Variants in JAZF1 observed in about 807,000 individuals in gnomAD.
JAZF1 encodes juxtaposed with another zinc finger protein 1.
Under a neutral mutation model 26.4 loss-of-function variants are expected in JAZF1, and 8 were observed. That is an observed-to-expected ratio of 0.30 (90% CI 0.18 to 0.55). The LOEUF is 0.55. JAZF1 is among the 20% of genes least tolerant of loss of function. The pLI is 0.94. For synonymous variants in JAZF1, 126 were observed against 122.3 expected (o/e 1.03, Z -0.20); for missense variants, 199 against 322.0 (o/e 0.62, Z 2.92).
At chr7:27,897,009 A>G (rs1784077025) in intron 2 of JAZF1, among the ~76,000 whole-genome samples, 1 of 152,218 alleles carries the variant, frequency 6.6e-6, no homozygotes, top group Non-Finnish European at 1.5e-5. Context: ...TATTGTCCTT[A>G]AACTTCTTTC....
At chr7:27,839,159 G>A (rs570981553) in intron 4 of JAZF1, among the ~76,000 whole-genome samples, 1 of 152,372 alleles carries the variant, frequency 6.6e-6, no homozygotes, top group South Asian at 2.1e-4. Context: ...AACCCAGGGC[G>A]TAGCTTGTAT....
chr7:28,020,677 G>T (rs1165214101), intron 1 of JAZF1: 1 of 471,208 alleles, frequency 2.1e-6, no homozygotes, highest in Non-Finnish European at 4.4e-6. Context: ...AGGTAGAAGT[G>T]AGCGAAGGAA....
chr7:28,027,855 T>C (rs1252798251), intron 1 of JAZF1, among the ~76,000 whole-genome samples: 3 of 152,212 alleles, frequency 2.0e-5, no homozygotes, highest in Non-Finnish European at 2.9e-5. Context: ...CCCCGATGCC[T>C]GTTTCTTTCC....
chr7:27,877,997 CTG>C (rs1783709398), intron 3 of JAZF1, among the ~76,000 whole-genome samples: 2 of 152,198 alleles, frequency 1.3e-5, no homozygotes. Context: ...TTCTTCCTCT[CTG>C]TGGTTATGCT....
intron 1 of JAZF1, among the ~76,000 whole-genome samples, chr7:28,068,744 G>A (rs952888938): frequency 3.9e-5 from 6 of 152,118 alleles, no homozygotes; most frequent in African/African-American, 7.2e-5. Flanking sequence ...AAAAAGACAC[G>A]AGTCACTGGT....
intron 1 of JAZF1, among the ~76,000 whole-genome samples, chr7:28,076,377 T>C (rs891754351): frequency 1.3e-5 from 2 of 152,182 alleles, no homozygotes; most frequent in Non-Finnish European, 2.9e-5. Context: ...AACATTGATA[T>C]ATCAATTTAA....
intron 1 of JAZF1, among the ~76,000 whole-genome samples, chr7:28,083,053 G>A (rs1179024519): frequency 2.0e-5 from 3 of 152,086 alleles, no homozygotes; most frequent in Admixed American, 6.5e-5. Context: ...TGCTGTACTC[G>A]TGGATTAAAA....
intron 1 of JAZF1, among the ~76,000 whole-genome samples, chr7:28,049,865 T>G (rs1287306972): frequency 6.6e-6 from 1 of 152,102 alleles, no homozygotes; most frequent in African/African-American, 2.4e-5. Flanking sequence ...CCCAGCACCT[T>G]TCTATGTTCA....
intron 1 of JAZF1, among the ~76,000 whole-genome samples, chr7:28,026,055 C>G (rs1783088515): frequency 6.6e-6 from 1 of 152,158 alleles, no homozygotes; most frequent in Admixed American, 6.5e-5. Flanking sequence ...CTGGCCATGG[C>G]AAACCAACAC....
At chr7:27,989,487 GA>G (rs1785849801) in intron 2 of JAZF1, among the ~76,000 whole-genome samples, 1 of 152,178 alleles carries the variant, frequency 6.6e-6, no homozygotes, top group African/African-American at 2.4e-5. Context: ...CCGTCAGAGT[GA>G]ACAGGCAACC....
intron 1 of JAZF1, among the ~76,000 whole-genome samples, chr7:28,175,422 G>C (rs1783534319): frequency 6.6e-6 from 1 of 152,194 alleles, no homozygotes; most frequent in African/African-American, 2.4e-5. Flanking sequence ...CAAATGGCAA[G>C]AAACTAGATG....
chr7:28,109,293 G>A (rs572732921), intron 1 of JAZF1, among the ~76,000 whole-genome samples: 11 of 152,178 alleles, frequency 7.2e-5, no homozygotes, highest in Admixed American at 2.6e-4. Context: ...CCACAATGTC[G>A]ACATATATCA....
intron 2 of JAZF1, among the ~76,000 whole-genome samples, chr7:27,950,572 A>C (rs1784992788): frequency 6.6e-6 from 1 of 152,212 alleles, no homozygotes; most frequent in Non-Finnish European, 1.5e-5. Flanking sequence ...TTATGACACT[A>C]ACCCTAATGA....
At chr7:28,016,274 C>A (rs1485348914) in intron 1 of JAZF1, among the ~76,000 whole-genome samples, 1 of 152,154 alleles carries the variant, frequency 6.6e-6, no homozygotes, top group Non-Finnish European at 1.5e-5. Flanking sequence ...CACTTACTTA[C>A]CTCTTTCTTT....
intron 2 of JAZF1, among the ~76,000 whole-genome samples, chr7:27,948,924 C>A (rs925202552): frequency 2.0e-5 from 3 of 152,160 alleles, no homozygotes; most frequent in Non-Finnish European, 2.9e-5. Flanking sequence ...TTTCTACCTG[C>A]CCTTAGAAGA....
chr7:28,055,049 T>C (rs1352577017), intron 1 of JAZF1, among the ~76,000 whole-genome samples: 1 of 152,130 alleles, frequency 6.6e-6, no homozygotes. Context: ...CAAGTACACT[T>C]AGAATTCGTG....
chr7:28,075,717 C>T (rs1029526827), intron 1 of JAZF1, among the ~76,000 whole-genome samples: 61 of 152,160 alleles, frequency 4.0e-4, no homozygotes, highest in African/African-American at 1.4e-3. Context: ...TAAGCACTCC[C>T]CATATTAATG....
At chr7:27,940,212 A>G (rs188046480) in intron 2 of JAZF1, among the ~76,000 whole-genome samples, 1 of 152,202 alleles carries the variant, frequency 6.6e-6, no homozygotes, top group Admixed American at 6.5e-5. Context: ...TAGTTTTGAG[A>G]TAAGTTTCTT....
At position 28,140,993 on chromosome 7, in the gene JAZF1, C is replaced by T. The variant is rs1348761336; in HGVS notation, c.115+39470G>A. 2.0e-5 allele frequency among the ~76,000 whole-genome samples: 3 copies of T among 152,172 alleles called. No individual in the cohort carries two copies. The East Asian group carries it at 5.8e-4, about 29-fold the overall frequency. ...ATGTTTTAACGCAGAAAGAACTTTA[C>T]AGCTGTGAATATCTGGTGGCAATGT... On this transcript the variant is annotated intron_variant, in intron 1 of 4. Transcript: ENST00000283928.
Sources: gnomAD v4.1 joint callset for allele counts (sites outside exome capture counted in the v4.1 genomes callset) on GRCh38, gnomAD v4.1.1 for gene constraint, MANE v1.5 for transcripts, NCBI Gene and HGNC (gene_info 2026-07-23, HGNC 2026-07-21) for gene names.